Variants in SORBS2 observed in about 807,000 individuals in gnomAD.
SORBS2 encodes sorbin and SH3 domain containing 2.
A neutral mutation model predicts 97.7 loss-of-function variants in SORBS2; 46 were observed. The ratio of observed to expected loss-of-function variants is 0.47; its 90% confidence interval spans 0.37 to 0.60. The LOEUF is 0.60. Among genes scored for constraint, SORBS2 ranks in the 20% least tolerant of loss-of-function variants. SORBS2 has a pLI of 0.00. For missense variants in SORBS2, 1,316 were observed against 1,282.3 expected, an observed-to-expected ratio of 1.03 and a Z score of -0.40; for synonymous variants, 476 against 473.4, an observed-to-expected ratio of 1.01 and a Z score of -0.07.
At chr4:185,882,955 G>A (rs1293514942) in intron 1 of SORBS2, among the ~76,000 whole-genome samples, 1 of 151,770 alleles carries the variant, frequency 6.6e-6, no homozygotes, top group South Asian at 2.1e-4. Context: ...AAAACTTAAA[G>A]AAGAAAATAC....
At chr4:185,884,813 T>C (rs1408881607) in intron 1 of SORBS2, among the ~76,000 whole-genome samples, 1 of 152,234 alleles carries the variant, frequency 6.6e-6, no homozygotes, top group Non-Finnish European at 1.5e-5. Context: ...TTTCTTTAGA[T>C]AGTTCTCGTA....
intron 1 of SORBS2, among the ~76,000 whole-genome samples, chr4:185,824,188 T>C (rs2099198470): frequency 6.6e-6 from 1 of 152,230 alleles, no homozygotes; most frequent in South Asian, 2.1e-4. Context: ...ATCCTCTCTC[T>C]GAAGGCTCCA....
chr4:185,722,522 C>T (rs2098523520), intron 2 of SORBS2, among the ~76,000 whole-genome samples: 1 of 152,144 alleles, frequency 6.6e-6, no homozygotes, highest in African/African-American at 2.4e-5. Flanking sequence ...AATATCACTT[C>T]AGGCTTTGCA....
chr4:185,777,566 C>T (rs1560967838), intron 1 of SORBS2, among the ~76,000 whole-genome samples: 1 of 152,132 alleles, frequency 6.6e-6, no homozygotes, highest in East Asian at 1.9e-4. Context: ...AATGAGTTGT[C>T]ATAGGGCTCA....
intron 1 of SORBS2, among the ~76,000 whole-genome samples, chr4:185,869,755 G>A (rs11940126): frequency 0.059 from 9,003 of 152,264 alleles, 304 homozygotes; most frequent in East Asian, 0.14. Flanking sequence ...AGGGAGCAAA[G>A]TCTCATAGAC....
chr4:185,632,138 TAAAAC>T (rs1239058952), intron 4 of SORBS2, among the ~76,000 whole-genome samples: 9 of 152,340 alleles, frequency 5.9e-5, no homozygotes, highest in African/African-American at 2.2e-4. Flanking sequence ...ATTAATCAAT[TAAAAC>T]AATACAATTT....
chr4:185,699,321 C>G (rs1407212558), intron 2 of SORBS2, among the ~76,000 whole-genome samples: 1 of 134,610 alleles, frequency 7.4e-6, no homozygotes, highest in East Asian at 2.2e-4. Context: ...GAGTCTCGCT[C>G]TGTTGGCCAG....
chr4:185,915,489 G>A (rs2099257628), intron 1 of SORBS2, among the ~76,000 whole-genome samples: 1 of 152,164 alleles, frequency 6.6e-6, no homozygotes, highest in Admixed American at 6.5e-5. Context: ...GGTAGCCTGG[G>A]GAGGACCAGG....
At position 185,949,088 on chromosome 4, in the gene SORBS2, G is replaced by C. The variant is rs1345640997; in HGVS notation, c.-338+7108C>G. Among the ~76,000 whole-genome samples, 6 of 151,878 alleles carry C rather than the reference G, an allele frequency of 4.0e-5. No homozygotes were observed. In the East Asian group the frequency reaches 1.2e-3, roughly 30 times the overall value. ...CAAGAAATTTCCAGGAAACAGGAGG[G>C]GGGTTGGGGAGAGATGCTGTATTCC... On this transcript the variant is annotated intron_variant, in intron 1 of 20. Coordinates refer to the SORBS2 transcript ENST00000284776.
At chr4:185,668,490 TA>T (rs2097654677) in intron 4 of SORBS2, among the ~76,000 whole-genome samples, 1 of 152,130 alleles carries the variant, frequency 6.6e-6, no homozygotes. Flanking sequence ...TTTCTACAGA[TA>T]AAACTCAATA....
intron 2 of SORBS2, among the ~76,000 whole-genome samples, chr4:185,754,054 C>T (rs1369260363): frequency 1.3e-5 from 2 of 152,140 alleles, no homozygotes; most frequent in Admixed American, 1.3e-4. Context: ...AACATAAATG[C>T]TCATCAATGG....
chr4:185,884,780 C>T (rs548462042), intron 1 of SORBS2, among the ~76,000 whole-genome samples: 2 of 152,134 alleles, frequency 1.3e-5, no homozygotes, highest in East Asian at 3.9e-4. Context: ...GGTGTATTCC[C>T]GGAATGCTCA....
rs986801426 is a variant in SORBS2 at position 185,941,918 on chromosome 4, C to T, written c.-338+14278G>A. 2.0e-5 allele frequency among the ~76,000 whole-genome samples: 3 copies of T among 152,154 alleles called. No homozygotes were observed. The South Asian group carries it at 6.2e-4, about 32-fold the overall frequency. On this transcript the variant is annotated intron_variant, in intron 1 of 20. Coordinates refer to the SORBS2 transcript ENST00000284776. Reference sequence around the variant, plus strand: ...TTTGTCTGAGGTGAGGAGATCGAGACCAGCCTGGCCAATGTGGTGAAACCC... The same window carrying T: ...TTTGTCTGAGGTGAGGAGATCGAGATCAGCCTGGCCAATGTGGTGAAACCC...
chr4:185,948,580 C>T (rs1412472079), intron 1 of SORBS2, among the ~76,000 whole-genome samples: 1 of 139,796 alleles, frequency 7.2e-6, no homozygotes, highest in Non-Finnish European at 1.5e-5. Context: ...TGCAGTGGCA[C>T]AGTCTTGGCT....
chr4:185,666,255 A>G (rs1350830463), intron 4 of SORBS2: 1 of 1,015,354 alleles, frequency 9.8e-7, no homozygotes, highest in African/African-American at 1.7e-5. Context: ...AATTAACAAA[A>G]GTACCTCTTT....
intron 2 of SORBS2, among the ~76,000 whole-genome samples, chr4:185,738,878 A>G (rs1173111202): frequency 6.6e-6 from 1 of 152,190 alleles, no homozygotes. Flanking sequence ...GAAAGCATTC[A>G]AGAAGAATTG....
intron 1 of SORBS2, among the ~76,000 whole-genome samples, chr4:185,942,192 T>C (rs537442429): frequency 6.6e-6 from 1 of 152,196 alleles, no homozygotes; most frequent in African/African-American, 2.4e-5. Flanking sequence ...CTTCCTTCTG[T>C]TTGGAATTTT....
chr4:185,647,550 T>C (rs956134834), intron 3 of SORBS2, among the ~76,000 whole-genome samples: 2 of 151,580 alleles, frequency 1.3e-5, no homozygotes, highest in African/African-American at 2.4e-5. Flanking sequence ...CCAGGGGCCA[T>C]GATTTTTAGG....
At chr4:185,888,873 A>C (rs1447969353) in intron 1 of SORBS2, among the ~76,000 whole-genome samples, 1 of 152,260 alleles carries the variant, frequency 6.6e-6, no homozygotes, top group Non-Finnish European at 1.5e-5. Flanking sequence ...TGCAAACTGC[A>C]TGAGATAAAC....
Sources: allele counts gnomAD v4.1 joint callset (sites outside exome capture counted in the v4.1 genomes callset), GRCh38; gene constraint gnomAD v4.1.1; transcripts MANE v1.5; gene names NCBI Gene and HGNC (gene_info 2026-07-23, HGNC 2026-07-21).